YEATS2: variants seen among roughly 807,000 people sequenced by gnomAD.
The protein encoded by YEATS2 is YEATS domain-containing protein 2.
A neutral mutation model predicts 163.2 loss-of-function variants in YEATS2; 77 were observed. The observed-to-expected ratio is 0.47, with a 90% confidence interval of 0.39 to 0.57. The LOEUF is 0.57. Among genes scored for constraint, YEATS2 ranks in the 20% least tolerant of loss-of-function variants. The probability of loss-of-function intolerance (pLI) is 0.00; values close to 1 mark genes in which losing one functional copy is unlikely to be tolerated. For synonymous variants in YEATS2, 631 were observed against 645.1 expected, an observed-to-expected ratio of 0.98 and a Z score of 0.33; for missense variants, 1,549 against 1,729.8, an observed-to-expected ratio of 0.90 and a Z score of 1.85.
At chr3:183,701,121 G>A (rs1415644482) in intron 1 of YEATS2, among the ~76,000 whole-genome samples, 4 of 148,880 alleles carry the variant, frequency 2.7e-5, no homozygotes, top group Non-Finnish European at 5.9e-5. Flanking sequence ...TCGCTCTGTC[G>A]CCCAGGCTGG....
intron 1 of YEATS2, among the ~76,000 whole-genome samples, chr3:183,698,470 C>A (rs1304691398): frequency 6.6e-6 from 1 of 152,134 alleles, no homozygotes; most frequent in Non-Finnish European, 1.5e-5. Flanking sequence ...GGGGCCAACG[C>A]GCCGGAGCTG....
chr3:183,776,116 C>T lies in YEATS2; in HGVS notation c.2570C>T (p.Thr857Ile). The change falls in exon 18 of 31, where the codon ACT (threonine) becomes ATT (isoleucine). Residue 857 changes from threonine to isoleucine, a missense_variant. By Grantham distance (89) the Thr-to-Ile change is moderately conservative. Coordinates refer to ENST00000305135, the MANE Select transcript of YEATS2 (RefSeq NM_018023.5). The part of the protein sequence containing the change: ...LTYTSYILKQ[T>I]PQGTFLVGQP... ...TACACATCTTACATCCTCAAGCAAA[C>T]TCCCCAGGTCTGGTTCTCTGTAACT... 6.4e-7 allele frequency: 1 copy of T among 1,567,762 alleles called. No individual in the cohort carries two copies. The highest frequency in any genetic ancestry group is 8.6e-7 in the Non-Finnish European group (1 of 1,158,260).
Position 183,776,111 on chromosome 3 carries a change from G to T in YEATS2, c.2565G>T (p.Lys855Asn). 1 of 1,582,112 alleles carries T rather than the reference G, an allele frequency of 6.3e-7. No individual in the cohort carries two copies. Among genetic ancestry groups the T allele is most frequent in the East Asian group, 2.2e-5 (1 of 44,608 alleles). ...QHLTYTSYIL[K>N]QTPQGTFLVG... ...TGACTTACACATCTTACATCCTCAAGCAAACTCCCCAGGTCTGGTTCTCTG... is the reference window on the plus strand; with the variant it reads ...TGACTTACACATCTTACATCCTCAATCAAACTCCCCAGGTCTGGTTCTCTG... Residue 855 changes from lysine (K) to asparagine (N), a missense_variant, in exon 18 of 31, where the codon AAG becomes AAT. Coordinates refer to ENST00000305135, the MANE Select transcript of YEATS2 (RefSeq NM_018023.5).
At chr3:183,741,597 C>A (rs948898974) in intron 8 of YEATS2, among the ~76,000 whole-genome samples, 1 of 151,632 alleles carries the variant, frequency 6.6e-6, no homozygotes, top group Non-Finnish European at 1.5e-5. Flanking sequence ...GCCTGGCCAA[C>A]GTGGCAAAAC....
intron 8 of YEATS2, among the ~76,000 whole-genome samples, chr3:183,742,236 G>A (rs1719051819): frequency 6.6e-6 from 1 of 151,792 alleles, no homozygotes; most frequent in Non-Finnish European, 1.5e-5. Context: ...TAAAAAAAAG[G>A]AAAAAAATAT....
chr3:183,764,547 C>T (rs1037923022), intron 15 of YEATS2, among the ~76,000 whole-genome samples: 21 of 152,206 alleles, frequency 1.4e-4, no homozygotes, highest in South Asian at 4.1e-4. Flanking sequence ...CAGTGGCTCA[C>T]GCCTATAATT....
intron 17 of YEATS2, 80 bp downstream of exon 17, chr3:183,773,874 T>TA: frequency 3.4e-6 from 5 of 1,464,596 alleles, no homozygotes; most frequent in South Asian, 1.5e-5. Context: ...GGGCAGTTCT[T>TA]ACCTGTTTCA....
chr3:183,742,632 A>G (rs367972479), intron 8 of YEATS2, among the ~76,000 whole-genome samples: 60 of 152,350 alleles, frequency 3.9e-4, no homozygotes, highest in African/African-American at 1.4e-3. Context: ...CCTGGTGATG[A>G]TGCTGTGAAC....
At chr3:183,738,495 G>A (rs1034920865) in intron 8 of YEATS2, among the ~76,000 whole-genome samples, 1 of 137,228 alleles carries the variant, frequency 7.3e-6, no homozygotes, top group African/African-American at 2.8e-5. Context: ...CTGGTGCGCT[G>A]CACCCACTAA....
chr3:183,756,414 C>T, intron 11 of YEATS2, 114 bp from the exon 12 acceptor site: 1 of 1,004,602 alleles, frequency 1.0e-6, no homozygotes, highest in South Asian at 2.1e-5. Context: ...ATTTTATTTT[C>T]CCAATTTGTT....
chr3:183,698,718 T>G (rs1394820021), intron 1 of YEATS2, among the ~76,000 whole-genome samples: 2 of 152,208 alleles, frequency 1.3e-5, no homozygotes, highest in African/African-American at 4.8e-5. Flanking sequence ...ATTCAGCAGT[T>G]ACAGAGTTGA....
intron 9 of YEATS2, among the ~76,000 whole-genome samples, chr3:183,750,209 T>G (rs566732304): frequency 1.3e-5 from 2 of 152,368 alleles, no homozygotes; most frequent in African/African-American, 4.8e-5. Context: ...TCCGCCTGCC[T>G]TGGCCCCCCA....
intron 7 of YEATS2, among the ~76,000 whole-genome samples, chr3:183,734,409 A>G (rs1718124721): frequency 6.6e-6 from 1 of 152,144 alleles, no homozygotes; most frequent in Non-Finnish European, 1.5e-5. Flanking sequence ...GCTATTTCAT[A>G]GAGTGGTTGT....
intron 23 of YEATS2, among the ~76,000 whole-genome samples, chr3:183,799,363 C>T (rs2108510863): frequency 6.6e-6 from 1 of 152,256 alleles, no homozygotes; most frequent in South Asian, 2.1e-4. Context: ...TGGAGAAGGG[C>T]AAGACTTTGT....
intron 11 of YEATS2, among the ~76,000 whole-genome samples, chr3:183,756,183 A>G (rs2109314781): frequency 6.6e-6 from 1 of 152,294 alleles, no homozygotes; most frequent in Non-Finnish European, 1.5e-5. Context: ...CTGCTGTGTA[A>G]AGCACTGCTT....
chr3:183,758,817 G>A, intron 12 of YEATS2, 45 bp from the exon 13 acceptor site: 2 of 1,319,104 alleles, frequency 1.5e-6, no homozygotes, highest in Non-Finnish European at 2.1e-6. Context: ...ATTACCTTTT[G>A]TAAATTTTAC....
intron 14 of YEATS2, among the ~76,000 whole-genome samples, 167 bp from the exon 15 acceptor site, chr3:183,761,930 C>A (rs1721396855): frequency 6.6e-6 from 1 of 152,154 alleles, no homozygotes; most frequent in African/African-American, 2.4e-5. Flanking sequence ...CTGGTATGGA[C>A]TGTATTTAAG....
At chr3:183,798,738 G>A (rs1432068240) in intron 22 of YEATS2, among the ~76,000 whole-genome samples, 153 bp from the exon 23 acceptor site, 3 of 152,104 alleles carry the variant, frequency 2.0e-5, no homozygotes, top group Non-Finnish European at 4.4e-5. Context: ...CCTAATAATC[G>A]CCCACTATTA....
intron 11 of YEATS2, 70 bp from the exon 12 acceptor site, chr3:183,756,458 G>A (rs1720774239): frequency 2.8e-6 from 4 of 1,414,618 alleles, no homozygotes; most frequent in Non-Finnish European, 3.8e-6. Flanking sequence ...CTTCTTCCTT[G>A]TCCTCGACAT....
Sources: gnomAD v4.1 joint callset for allele counts (sites outside exome capture counted in the v4.1 genomes callset) on GRCh38, gnomAD v4.1.1 for gene constraint, MANE v1.5 for transcripts, NCBI Gene and HGNC (gene_info 2026-07-23, HGNC 2026-07-21) for gene names.